Variants in CELF2 observed in about 807,000 individuals in gnomAD.
The protein encoded by CELF2 is CUG triplet repeat RNA-binding protein 2.
A neutral mutation model predicts 62.6 loss-of-function variants in CELF2; 8 were observed. That is an observed-to-expected ratio of 0.13 (90% CI 0.07 to 0.23). The LOEUF is 0.23. Among genes scored for constraint, CELF2 ranks in the 10% least tolerant of loss-of-function variants. The pLI, the probability that CELF2 is intolerant of heterozygous loss-of-function variation, is 1.00. For missense variants in CELF2, 333 were observed against 671.0 expected (o/e 0.50, Z 5.56); for synonymous variants, 258 against 250.0 (o/e 1.03, Z -0.30).
At chr10:10,857,736 C>A (rs1424835348) in intron 1 of CELF2, among the ~76,000 whole-genome samples, 1 of 132,382 alleles carries the variant, frequency 7.6e-6, no homozygotes, top group African/African-American at 2.8e-5. Context: ...AAAATGTGAT[C>A]CATAGCCAAA....
intron 1 of CELF2, among the ~76,000 whole-genome samples, chr10:10,854,298 T>C (rs1591211611): frequency 6.6e-6 from 1 of 152,158 alleles, no homozygotes; most frequent in Admixed American, 6.5e-5. Context: ...CTTATTGCAG[T>C]TGTGGTCAGC....
chr10:11,288,613 C>T (rs2277216), intron 9 of CELF2, 61 bp downstream of exon 9: 453,457 of 1,588,636 alleles, frequency 0.29, 68,272 homozygotes, highest in East Asian at 0.52. Context: ...GGTAGGTTTC[C>T]GTGCCTCCAG....
chr10:10,845,877 C>A (rs1238123660), intron 1 of CELF2, among the ~76,000 whole-genome samples: 1 of 152,040 alleles, frequency 6.6e-6, no homozygotes. Context: ...GATGCGATTT[C>A]TTTTATTAAA....
At chr10:11,147,068 C>A (rs1280015044) in intron 1 of CELF2, among the ~76,000 whole-genome samples, 2 of 152,194 alleles carry the variant, frequency 1.3e-5, no homozygotes, top group Non-Finnish European at 2.9e-5. Context: ...ATTACTACGT[C>A]CTGTTTATTT....
At chr10:10,823,455 A>G (rs2057133057) in intron 1 of CELF2, among the ~76,000 whole-genome samples, 3 of 152,124 alleles carry the variant, frequency 2.0e-5, no homozygotes, top group African/African-American at 4.8e-5. Flanking sequence ...GTGACCTTTC[A>G]AGTTCAAGGA....
intron 8 of CELF2, among the ~76,000 whole-genome samples, chr10:11,278,706 A>G (rs930670017): frequency 1.3e-5 from 2 of 152,316 alleles, no homozygotes; most frequent in Non-Finnish European, 2.9e-5. Flanking sequence ...TTACTACATT[A>G]CGGTTGGAAA....
chr10:10,582,354 A>ATC, the CELF2 span, among the ~76,000 whole-genome samples: 1 of 152,164 alleles, frequency 6.6e-6, no homozygotes, highest in African/African-American at 2.4e-5. Context: ...CTTGGTGATG[A>ATC]TCTCATATTC....
rs959901249 is a variant in CELF2 at position 11,316,272 on chromosome 10, C to T, written c.1096+2014C>T. 9.2e-5 allele frequency among the ~76,000 whole-genome samples: 14 copies of T among 152,316 alleles called. No homozygotes were observed. The highest frequency in any genetic ancestry group is 2.2e-4 in the African/African-American group (9 of 41,572). ...AACGAAGAAAGAATGTTTGTCATTT[C>T]AAATAACCCCTGCTAGATAGTATGA... On this transcript the variant is annotated intron_variant, in intron 10 of 12. Coordinates refer to ENST00000633077, the MANE Select transcript of CELF2 (RefSeq NM_001326342.2). The surrounding 1 kb of genome is among the most constrained non-coding windows in gnomAD (Gnocchi z 4.4).
intron 1 of CELF2, among the ~76,000 whole-genome samples, chr10:10,835,037 A>G (rs2058164835): frequency 6.6e-6 from 1 of 152,024 alleles, no homozygotes; most frequent in African/African-American, 2.4e-5. Flanking sequence ...CATTTTTCTT[A>G]CATAAGAGGC....
chr10:10,585,271 A>G, the CELF2 span, among the ~76,000 whole-genome samples: 1 of 152,182 alleles, frequency 6.6e-6, no homozygotes, highest in Non-Finnish European at 1.5e-5. Context: ...TTCTCAATAG[A>G]GCAAAATACC....
the CELF2 span, among the ~76,000 whole-genome samples, chr10:10,560,866 G>A: frequency 6.6e-6 from 1 of 152,170 alleles, no homozygotes; most frequent in South Asian, 2.1e-4. Context: ...AGCATTTTCA[G>A]TGACCTGGAT....
intron 7 of CELF2, among the ~76,000 whole-genome samples, chr10:11,274,095 T>A (rs563624096): frequency 2.8e-4 from 42 of 152,186 alleles, no homozygotes; most frequent in Non-Finnish European, 4.7e-4. Context: ...AATGTGACAA[T>A]ATTTCAGTAA....
At chr10:11,317,521 T>G (rs1173293519) in intron 10 of CELF2, 1 of 152,234 alleles carries the variant, frequency 6.6e-6, no homozygotes, top group Non-Finnish European at 1.5e-5. Flanking sequence ...CTTACCCCAG[T>G]GAAGTGGTTA....
At chr10:10,807,292 AT>A (rs1056601840) in intron 1 of CELF2, among the ~76,000 whole-genome samples, 11 of 152,196 alleles carry the variant, frequency 7.2e-5, no homozygotes, top group African/African-American at 2.4e-4. Context: ...TTACTCACCT[AT>A]ACATCTGCAA....
In CELF2 at chr10:11,280,434, G is replaced by T. The variant is rs1005463042; in HGVS notation, c.841+5314G>T. Among the ~76,000 whole-genome samples, 1 of 152,174 alleles carries T rather than the reference G, an allele frequency of 6.6e-6. No homozygotes were observed. The highest frequency in any genetic ancestry group is 2.1e-4 in the South Asian group (1 of 4,836). ...CTTTCCCCAAAACCGTTTCTCCCCC[G>T]CATAGGAGGGGAAGGCAGGCAGGTG... On this transcript the variant is annotated intron_variant, in intron 8 of 12. Transcript: ENST00000633077. This position sits in a 1 kb window ranked among gnomAD's most constrained non-coding sequence, Gnocchi z 7.6.
chr10:11,042,509 T>C (rs2062018171), intron 1 of CELF2, among the ~76,000 whole-genome samples: 1 of 152,216 alleles, frequency 6.6e-6, no homozygotes, highest in Non-Finnish European at 1.5e-5. Flanking sequence ...TCTTTTTATC[T>C]GAGAAGCTGT....
intron 1 of CELF2, among the ~76,000 whole-genome samples, chr10:10,832,433 G>A (rs2057945391): frequency 6.6e-6 from 1 of 152,106 alleles, no homozygotes; most frequent in African/African-American, 2.4e-5. Flanking sequence ...ATAGAGACAA[G>A]TAGGATCACC....
At chr10:11,231,725 G>A (rs1161909437) in intron 3 of CELF2, among the ~76,000 whole-genome samples, 2 of 141,898 alleles carry the variant, frequency 1.4e-5, no homozygotes, top group African/African-American at 2.6e-5. Context: ...GGCAAGAAAC[G>A]TTTAGTCTTT....
At chr10:11,162,662 T>C (rs1460603009) in intron 1 of CELF2, among the ~76,000 whole-genome samples, 1 of 152,208 alleles carries the variant, frequency 6.6e-6, no homozygotes, top group African/African-American at 2.4e-5. Context: ...ATATAAGTGA[T>C]GACCAAAATA....
Sources: gnomAD v4.1 joint callset for allele counts (sites outside exome capture counted in the v4.1 genomes callset) on GRCh38, gnomAD v4.1.1 for gene constraint, Gnocchi (gnomAD v3.1) non-coding constraint, MANE v1.5 for transcripts, NCBI Gene and HGNC (gene_info 2026-07-23, HGNC 2026-07-21) for gene names.